EGFR: variants seen among roughly 807,000 people sequenced by gnomAD.
The protein encoded by EGFR is epidermal growth factor receptor.
Under a neutral mutation model 143.0 loss-of-function variants are expected in EGFR, and 58 were observed. The ratio of observed to expected loss-of-function variants is 0.41; its 90% CI spans 0.33 to 0.50. EGFR has a LOEUF of 0.50. EGFR is among the 20% of genes least tolerant of loss of function. EGFR has a pLI of 0.39. For synonymous variants in EGFR, 613 were observed against 594.4 expected, an observed-to-expected ratio of 1.03 and a Z score of -0.45; for missense variants, 1,307 against 1,579.0, an observed-to-expected ratio of 0.83 and a Z score of 2.92.
At chr7:55,035,722 A>T (rs1787526422) in intron 1 of EGFR, among the ~76,000 whole-genome samples, 1 of 151,962 alleles carries the variant, frequency 6.6e-6, no homozygotes, top group Admixed American at 6.6e-5. Context: ...AATCATACTA[A>T]AAACAAAACA....
At chr7:55,043,977 A>G (rs938818758) in intron 1 of EGFR, 1 of 152,214 alleles carries the variant, frequency 6.6e-6, no homozygotes, top group Non-Finnish European at 1.5e-5. Flanking sequence ...ACCAAGTGAA[A>G]GCAAGAGCCA....
chr7:55,203,948 T>C (rs929416801), intron 27 of EGFR, among the ~76,000 whole-genome samples: 3 of 151,022 alleles, frequency 2.0e-5, no homozygotes, highest in African/African-American at 4.9e-5. Flanking sequence ...TATAAAAATA[T>C]GTAGAAATCT....
intron 1 of EGFR, among the ~76,000 whole-genome samples, chr7:55,054,203 C>T (rs1389795518): frequency 2.0e-5 from 3 of 152,226 alleles, no homozygotes; most frequent in Non-Finnish European, 1.5e-5. Context: ...TGGCACTGCA[C>T]GCTTCGCTCC....
At chr7:55,162,978 G>A (rs1421306513) in intron 13 of EGFR, among the ~76,000 whole-genome samples, 1 of 152,204 alleles carries the variant, frequency 6.6e-6, no homozygotes, top group Non-Finnish European at 1.5e-5. Context: ...TTTTAGTAGA[G>A]ACGGGGTTTC....
chr7:55,032,834 A>T (rs1174101770), intron 1 of EGFR, among the ~76,000 whole-genome samples: 2 of 152,116 alleles, frequency 1.3e-5, no homozygotes, highest in East Asian at 1.9e-4. Flanking sequence ...GAGTTTCTTG[A>T]CTCAGAGAGG....
intron 1 of EGFR, among the ~76,000 whole-genome samples, chr7:55,081,997 T>C (rs573183532): frequency 6.6e-6 from 1 of 152,358 alleles, no homozygotes; most frequent in Non-Finnish European, 1.5e-5. Flanking sequence ...TTCTTTTCTG[T>C]TTATTTTTCT....
At chr7:55,151,594 G>A (rs1785153631) in intron 5 of EGFR, among the ~76,000 whole-genome samples, 1 of 152,116 alleles carries the variant, frequency 6.6e-6, no homozygotes, top group African/African-American at 2.4e-5. Context: ...CATCAGCAGG[G>A]GCTGGGCGCG....
rs1788166775 is a variant in EGFR at position 55,208,645 on chromosome 7, G to A, written c.*3028G>A. ...CTTCTAAACTCTATATTCGCTGTGA[G>A]TCCAGGTTGTAAGGGGGAGCACTGT... On this transcript the variant is annotated 3_prime_UTR_variant, in exon 28 of 28. Transcript: ENST00000275493. The A allele has an allele frequency of 6.6e-6, 1 of 152,216 alleles. No homozygotes were observed. The highest frequency in any genetic ancestry group is 1.5e-5 in the Non-Finnish European group (1 of 68,058). 9.4% of individuals were successfully genotyped at this position (152,216 alleles called of 1,614,324 possible). A position where few individuals can be genotyped will look rare whatever the true frequency, so the allele number is the denominator to read the frequency against.
intron 1 of EGFR, among the ~76,000 whole-genome samples, chr7:55,062,236 T>C (rs1321507934): frequency 6.6e-6 from 1 of 152,224 alleles, no homozygotes; most frequent in Non-Finnish European, 1.5e-5. Flanking sequence ...GGAAACTTCA[T>C]TTCTGAATTA....
intron 1 of EGFR, among the ~76,000 whole-genome samples, chr7:55,097,752 C>A (rs961381600): frequency 6.6e-6 from 1 of 152,036 alleles, no homozygotes; most frequent in Non-Finnish European, 1.5e-5. Flanking sequence ...CATGTTGTGC[C>A]CAACTAGGGA....
chr7:55,141,855 C>T (rs1794477498), intron 1 of EGFR, among the ~76,000 whole-genome samples: 1 of 152,112 alleles, frequency 6.6e-6, no homozygotes, highest in African/African-American at 2.4e-5. Flanking sequence ...TCGTGAAATA[C>T]CTTGTGAAAT....
In EGFR at chr7:55,207,854, A is replaced by G. The variant is rs1247184707; in HGVS notation, c.*2237A>G. ...ACTACACAACATTTCTAAGAATCTG[A>G]GATTTTATATTGTCAGTTAACCACT... On this transcript the variant is annotated 3_prime_UTR_variant, in exon 28 of 28. Coordinates refer to ENST00000275493, the MANE Select transcript of EGFR (RefSeq NM_005228.5). 2.0e-5 allele frequency: 3 copies of G among 152,232 alleles called. No homozygotes were observed. Among genetic ancestry groups the G allele is most frequent in the African/African-American group, 7.2e-5 (3 of 41,456 alleles). The allele number at this position is 152,232 out of a possible 1,614,324, so 9.4% of individuals were successfully genotyped here.
chr7:55,036,496 T>C (rs1311800159), intron 1 of EGFR, among the ~76,000 whole-genome samples: 2 of 152,200 alleles, frequency 1.3e-5, no homozygotes, highest in Admixed American at 1.3e-4. Context: ...TTCCTATGTG[T>C]ATATGATACC....
intron 1 of EGFR, among the ~76,000 whole-genome samples, chr7:55,034,039 G>T (rs1007790899): frequency 3.3e-5 from 5 of 152,080 alleles, no homozygotes; most frequent in Middle Eastern, 3.2e-3. Flanking sequence ...ACATGGCAAT[G>T]ATGGCCATGC....
chr7:55,103,177 T>C (rs1341436182), intron 1 of EGFR, among the ~76,000 whole-genome samples: 2 of 152,200 alleles, frequency 1.3e-5, no homozygotes, highest in Non-Finnish European at 2.9e-5. Context: ...CCTCCCCTTC[T>C]TTGAGGCATC....
intron 1 of EGFR, among the ~76,000 whole-genome samples, chr7:55,097,149 G>T (rs992917338): frequency 1.3e-5 from 2 of 152,194 alleles, no homozygotes; most frequent in Non-Finnish European, 1.5e-5. Context: ...ATATTTCTGT[G>T]CCTTGCCCCA....
chr7:55,190,858 G>A (rs749182267), intron 20 of EGFR, among the ~76,000 whole-genome samples: 1 of 152,186 alleles, frequency 6.6e-6, no homozygotes, highest in Non-Finnish European at 1.5e-5. Context: ...AGAGATGCAG[G>A]CTGCCATTCT....
chr7:55,157,776 C>G, intron 11 of EGFR, 23 bp downstream of exon 11: 1 of 1,611,890 alleles, frequency 6.2e-7, no homozygotes. Context: ...CAGCCAAAGC[C>G]TGGTAGATTA....
intron 3 of EGFR, among the ~76,000 whole-genome samples, chr7:55,144,929 G>A (rs576198737): frequency 2.0e-5 from 3 of 152,346 alleles, no homozygotes; most frequent in Non-Finnish European, 2.9e-5. Context: ...CCTAGGTGGT[G>A]CAGAAAATTA....
Sources: gnomAD v4.1 joint callset for allele counts (sites outside exome capture counted in the v4.1 genomes callset) on GRCh38, gnomAD v4.1.1 for gene constraint, MANE v1.5 for transcripts, NCBI Gene and HGNC (gene_info 2026-07-23, HGNC 2026-07-21) for gene names.